DISC1: variants seen among roughly 807,000 people sequenced by gnomAD.
The protein encoded by DISC1 is DISC1 scaffold protein, also known as disrupted in schizophrenia 1 protein.
A neutral mutation model predicts 84.5 loss-of-function variants in DISC1; 57 were observed. The observed-to-expected ratio is 0.67, with a 90% CI of 0.55 to 0.84. The LOEUF (loss-of-function observed/expected upper bound fraction) is 0.84, where lower values mean the gene tolerates loss of function less well. Ranked by LOEUF, DISC1 falls within the 40% of genes least tolerant of loss-of-function variation. The pLI, the probability that DISC1 is intolerant of heterozygous loss-of-function variation, is 0.00. For missense variants in DISC1, 1,000 were observed against 1,057.8 expected, an observed-to-expected ratio of 0.95 and a Z score of 0.76; for synonymous variants, 411 against 415.2, an observed-to-expected ratio of 0.99 and a Z score of 0.12.
intron 9 of DISC1, among the ~76,000 whole-genome samples, chr1:231,926,461 T>A (rs1271417962): frequency 6.6e-6 from 1 of 152,206 alleles, no homozygotes; most frequent in Non-Finnish European, 1.5e-5. Flanking sequence ...CAGAAGCCTG[T>A]CTTCATTGTG....
intron 9 of DISC1, among the ~76,000 whole-genome samples, chr1:231,874,446 A>T (rs746826684): frequency 1.3e-5 from 2 of 151,824 alleles, no homozygotes; most frequent in Non-Finnish European, 2.9e-5. Context: ...GGTGTGAGCC[A>T]CCGCGCCCAG....
At chr1:231,723,697 A>C (rs932282459) in intron 3 of DISC1, 121 of 985,376 alleles carry the variant, frequency 1.2e-4, no homozygotes, top group South Asian at 9.4e-5. Flanking sequence ...TCTCAAATTC[A>C]GTCTTCCATT....
chr1:231,656,926 C>G (rs1156467158), intron 1 of DISC1, among the ~76,000 whole-genome samples: 2 of 152,180 alleles, frequency 1.3e-5, no homozygotes, highest in Non-Finnish European at 2.9e-5. Context: ...ATAATGGCTT[C>G]CAACTCCGAC....
chr1:231,926,294 C>T (rs2090353401), intron 9 of DISC1, among the ~76,000 whole-genome samples: 1 of 152,136 alleles, frequency 6.6e-6, no homozygotes, highest in African/African-American at 2.4e-5. Context: ...AGAGTGTCTA[C>T]AGTTCAAAAC....
At chr1:231,708,499 C>G (rs1295359655) in intron 3 of DISC1, among the ~76,000 whole-genome samples, 1 of 152,214 alleles carries the variant, frequency 6.6e-6, no homozygotes, top group Non-Finnish European at 1.5e-5. Context: ...TTCTTGAGAT[C>G]TCTGCTCTCT....
chr1:231,678,776 C>T (rs929508315), intron 1 of DISC1, among the ~76,000 whole-genome samples: 2 of 152,206 alleles, frequency 1.3e-5, no homozygotes, highest in Admixed American at 6.5e-5. Context: ...AGCCATTCTC[C>T]TGCCTCAGCC....
chr1:231,900,001 A>T (rs1236004536), intron 9 of DISC1, among the ~76,000 whole-genome samples: 1 of 152,184 alleles, frequency 6.6e-6, no homozygotes, highest in African/African-American at 2.4e-5. Flanking sequence ...TTGTTCCCAG[A>T]GTAAAAGCTT....
chr1:231,910,233 C>T (rs1188680515), intron 9 of DISC1, among the ~76,000 whole-genome samples: 2 of 152,116 alleles, frequency 1.3e-5, no homozygotes, highest in Non-Finnish European at 2.9e-5. Context: ...AATGTGTTTG[C>T]TCTTGCTTCT....
chr1:231,931,381 A>ACAGAACTTACTGTTC (rs2126105994), intron 9 of DISC1, among the ~76,000 whole-genome samples: 1 of 152,320 alleles, frequency 6.6e-6, no homozygotes, highest in South Asian at 2.1e-4. Flanking sequence ...TTGTGTTGGC[A>ACAGAACTTACTGTTC]TGCCCATGTA....
chr1:231,848,074 G>A (rs1483148743), intron 9 of DISC1, among the ~76,000 whole-genome samples: 2 of 152,188 alleles, frequency 1.3e-5, no homozygotes, highest in Middle Eastern at 3.2e-3. Flanking sequence ...TGGGCAAAGA[G>A]AGAAACAGGG....
intron 1 of DISC1, among the ~76,000 whole-genome samples, chr1:231,691,559 AG>A (rs2065018392): frequency 6.6e-6 from 1 of 152,260 alleles, no homozygotes; most frequent in African/African-American, 2.4e-5. Flanking sequence ...TAACTTCAGA[AG>A]GGTTATCTGG....
At chr1:231,923,315 A>G (rs555454914) in intron 9 of DISC1, among the ~76,000 whole-genome samples, 3 of 151,218 alleles carry the variant, frequency 2.0e-5, no homozygotes, top group Non-Finnish European at 4.4e-5. Context: ...ACCAAAAAAA[A>G]AAACAAAAAG....
At chr1:231,852,645 C>G (rs1373973083) in intron 9 of DISC1, among the ~76,000 whole-genome samples, 22 of 152,242 alleles carry the variant, frequency 1.4e-4, no homozygotes, top group Non-Finnish European at 5.9e-5. Context: ...TTCACAGTTT[C>G]AACCAGCCAT....
intron 10 of DISC1, among the ~76,000 whole-genome samples, chr1:231,992,777 A>T (rs2102925017): frequency 6.6e-6 from 1 of 152,328 alleles, no homozygotes; most frequent in African/African-American, 2.4e-5. Flanking sequence ...GGATATTTTT[A>T]AACTTAATTT....
rs1332581755 is a variant in DISC1, at chr1:232,037,903, CAG to C, written c.*1073_*1074del. The C allele has an allele frequency of 6.6e-6, 1 of 151,624 alleles. No homozygotes were observed. Among genetic ancestry groups the C allele is most frequent in the Non-Finnish European group, 1.5e-5 (1 of 68,158 alleles). The allele number at this position is 151,624 out of a possible 1,614,324, so 9.4% of individuals were successfully genotyped here. A position where few individuals can be genotyped will look rare whatever the true frequency, so the allele number is the denominator to read the frequency against. ...CACAGTACTCAGGCAGTGCAATACT[CAG>C]TGCGGTACTCAGTAACACAGTGCAG... On this transcript the variant is annotated 3_prime_UTR_variant, in exon 13 of 13. Coordinates refer to ENST00000439617, the MANE Select transcript of DISC1 (RefSeq NM_018662.3).
intron 1 of DISC1, chr1:231,629,582 A>C (rs1435761345): frequency 6.5e-6 from 1 of 152,672 alleles, no homozygotes; most frequent in East Asian, 1.9e-4. Flanking sequence ...AAGTAAGTGA[A>C]CACTAAAAAA....
At chr1:231,971,943 C>CT (rs1363950201) in intron 10 of DISC1, among the ~76,000 whole-genome samples, 1 of 152,206 alleles carries the variant, frequency 6.6e-6, no homozygotes, top group Admixed American at 6.5e-5. Flanking sequence ...AACAGGATGA[C>CT]TTGTGACAAT....
chr1:231,931,018 C>T lies in DISC1; in HGVS notation c.1982-27810C>T, dbSNP rs73096853. Among the ~76,000 whole-genome samples the T allele has an allele frequency of 2.9e-3, 444 of 152,296 alleles. 5 individuals are homozygous for T. Among genetic ancestry groups the T allele is most frequent in the African/African-American group, 0.01 (422 of 41,558 alleles). ...TACACTCAAGGCTGGGCATGTCCTT[C>T]TGTTCTAGTCATTCTGCTTTTGGTC... is the stretch of plus-strand genomic sequence containing the variant. On this transcript the variant is annotated intron_variant, in intron 9 of 12. Coordinates refer to ENST00000439617, the MANE Select transcript of DISC1 (RefSeq NM_018662.3).
At chr1:231,974,229 G>A (rs1662464901) in intron 10 of DISC1, among the ~76,000 whole-genome samples, 1 of 152,114 alleles carries the variant, frequency 6.6e-6, no homozygotes, top group African/African-American at 2.4e-5. Flanking sequence ...GGAGGTGTGA[G>A]TCTCTCCCTG....
Sources: allele counts gnomAD v4.1 joint callset (sites outside exome capture counted in the v4.1 genomes callset), GRCh38; gene constraint gnomAD v4.1.1; transcripts MANE v1.5; gene names NCBI Gene and HGNC (gene_info 2026-07-23, HGNC 2026-07-21).